The following MECOM variants were observed in gnomAD, a reference collection of about 807,000 sequenced individuals.
The protein encoded by MECOM is histone-lysine N-methyltransferase MECOM.
A neutral mutation model predicts 116.3 loss-of-function variants in MECOM; 13 were observed. The observed-to-expected ratio is 0.11, with a 90% CI of 0.07 to 0.18. The LOEUF (loss-of-function observed/expected upper bound fraction) is 0.18. Among genes scored for constraint, MECOM ranks in the 10% least tolerant of loss-of-function variants. MECOM has a pLI of 1.00. For synonymous variants in MECOM, 528 were observed against 535.2 expected, an observed-to-expected ratio of 0.99 and a Z score of 0.19; for missense variants, 1,299 against 1,509.0, an observed-to-expected ratio of 0.86 and a Z score of 2.31.
chr3:169,159,217 T>C (rs1000464536), intron 2 of MECOM, among the ~76,000 whole-genome samples: 3 of 152,190 alleles, frequency 2.0e-5, no homozygotes, highest in Non-Finnish European at 2.9e-5. Flanking sequence ...CTTCTAGTTA[T>C]GTAATAGTGA....
At chr3:169,315,080 T>A (rs1719503862) in intron 2 of MECOM, among the ~76,000 whole-genome samples, 1 of 151,848 alleles carries the variant, frequency 6.6e-6, no homozygotes, top group South Asian at 2.1e-4. Flanking sequence ...AGACACAGAG[T>A]GAGTGAGATT....
At chr3:169,372,490 T>C (rs994756904) in intron 2 of MECOM, among the ~76,000 whole-genome samples, 4 of 152,072 alleles carry the variant, frequency 2.6e-5, no homozygotes, top group Non-Finnish European at 5.9e-5. Context: ...CTCGTTTTCA[T>C]TGTTAGTTAG....
chr3:169,237,319 A>C (rs1399033641), intron 2 of MECOM, among the ~76,000 whole-genome samples: 1 of 152,152 alleles, frequency 6.6e-6, no homozygotes, highest in Non-Finnish European at 1.5e-5. Flanking sequence ...TGAAATGTAA[A>C]ATCTTATCCT....
intron 2 of MECOM, among the ~76,000 whole-genome samples, chr3:169,266,381 A>G (rs1451363622): frequency 6.6e-6 from 1 of 152,242 alleles, no homozygotes; most frequent in Non-Finnish European, 1.5e-5. Flanking sequence ...CATGGGTTGC[A>G]ATTTCAAGTG....
At chr3:169,315,980 A>C (rs1306442455) in intron 2 of MECOM, among the ~76,000 whole-genome samples, 2 of 152,232 alleles carry the variant, frequency 1.3e-5, no homozygotes, top group Non-Finnish European at 2.9e-5. Context: ...TTTGGTCAAT[A>C]ATTATTTTAC....
intron 2 of MECOM, among the ~76,000 whole-genome samples, chr3:169,293,399 G>A (rs184829081): frequency 6.7e-4 from 102 of 152,292 alleles, no homozygotes; most frequent in Admixed American, 5.3e-3. Flanking sequence ...CACTAGCCTC[G>A]TGTGTTTGGC....
intron 2 of MECOM, among the ~76,000 whole-genome samples, chr3:169,288,360 C>T (rs1484006071): frequency 6.6e-6 from 1 of 152,030 alleles, no homozygotes; most frequent in Non-Finnish European, 1.5e-5. Context: ...TAAAGAGTAT[C>T]TTTCTTCTTT....
chr3:169,210,939 C>T (rs4629381), intron 2 of MECOM, among the ~76,000 whole-genome samples: 15,858 of 152,120 alleles, frequency 0.1, 933 homozygotes, highest in Non-Finnish European at 0.13. Flanking sequence ...GAGATTTGCC[C>T]ATTGAGTGGC....
intron 8 of MECOM, among the ~76,000 whole-genome samples, chr3:169,114,326 A>G (rs1728415722): frequency 6.6e-6 from 1 of 152,146 alleles, no homozygotes; most frequent in African/African-American, 2.4e-5. Flanking sequence ...ACTTTATCAT[A>G]TTCAAACGAG....
intron 1 of MECOM, among the ~76,000 whole-genome samples, chr3:169,602,853 T>C (rs934895884): frequency 1.3e-5 from 2 of 152,112 alleles, no homozygotes; most frequent in African/African-American, 2.4e-5. Context: ...AAAAACTATG[T>C]TCTGAAAGTT....
intron 2 of MECOM, among the ~76,000 whole-genome samples, chr3:169,262,915 G>A (rs2149618523): frequency 6.7e-6 from 1 of 150,096 alleles, no homozygotes; most frequent in Admixed American, 6.6e-5. Flanking sequence ...CCCTGCAAGG[G>A]CTGGGGATGG....
chr3:169,126,214 T>C (rs117804222), intron 5 of MECOM, among the ~76,000 whole-genome samples: 2 of 152,228 alleles, frequency 1.3e-5, no homozygotes, highest in East Asian at 1.9e-4. Flanking sequence ...TCAGGCTTAA[T>C]CTTACAGCTA....
At chr3:169,170,636 A>C (rs1028152892) in intron 2 of MECOM, among the ~76,000 whole-genome samples, 1 of 152,042 alleles carries the variant, frequency 6.6e-6, no homozygotes, top group Non-Finnish European at 1.5e-5. Context: ...CTACATTATG[A>C]GCCAGTTTCT....
intron 1 of MECOM, among the ~76,000 whole-genome samples, chr3:169,571,697 A>C (rs2109449934): frequency 6.6e-6 from 1 of 152,336 alleles, no homozygotes; most frequent in South Asian, 2.1e-4. Flanking sequence ...ACACATCTAC[A>C]ACCATCTGAT....
intron 1 of MECOM, among the ~76,000 whole-genome samples, chr3:169,391,023 C>T (rs16853633): frequency 0.045 from 6,817 of 152,180 alleles, 212 homozygotes; most frequent in East Asian, 0.12. Flanking sequence ...TTGATGCAGA[C>T]CCTTCCCTAT....
intron 1 of MECOM, among the ~76,000 whole-genome samples, chr3:169,591,044 GT>G (rs1333100770): frequency 6.6e-6 from 1 of 152,120 alleles, no homozygotes; most frequent in Non-Finnish European, 1.5e-5. Flanking sequence ...CAGATGGGGA[GT>G]TTTCTGCTAG....
At chr3:169,360,424 G>A (rs376663649) in intron 2 of MECOM, among the ~76,000 whole-genome samples, 14 of 149,704 alleles carry the variant, frequency 9.4e-5, no homozygotes, top group African/African-American at 3.4e-4. Flanking sequence ...GTGAAAAGCT[G>A]TAATAGATTT....
intron 1 of MECOM, among the ~76,000 whole-genome samples, chr3:169,634,111 C>T (rs1473404896): frequency 6.6e-6 from 1 of 152,120 alleles, no homozygotes; most frequent in African/African-American, 2.4e-5. Context: ...GAACCATTAT[C>T]ACAGAAGGAG....
intron 2 of MECOM, among the ~76,000 whole-genome samples, chr3:169,360,036 C>A (rs1299358276): frequency 6.6e-6 from 1 of 151,548 alleles, no homozygotes; most frequent in African/African-American, 2.4e-5. Flanking sequence ...ACTGGTCTTG[C>A]CCTTCAAGTT....
Sources: allele counts gnomAD v4.1 joint callset (sites outside exome capture counted in the v4.1 genomes callset), GRCh38; gene constraint gnomAD v4.1.1; transcripts MANE v1.5; gene names NCBI Gene and HGNC (gene_info 2026-07-23, HGNC 2026-07-21).